Variants in SUGCT observed in about 807,000 individuals in gnomAD.
SUGCT encodes succinyl-CoA:glutarate CoA-transferase.
In SUGCT, 41 loss-of-function variants were observed where a neutral mutation model predicts 55.0. The ratio of observed to expected loss-of-function variants is 0.74; its 90% CI spans 0.58 to 0.97. The LOEUF is 0.97. SUGCT is among the 50% of genes least tolerant of loss of function. The pLI is 0.00. For synonymous variants in SUGCT, 187 were observed against 200.4 expected, an observed-to-expected ratio of 0.93 and a Z score of 0.56; for missense variants, 568 against 547.8, an observed-to-expected ratio of 1.04 and a Z score of -0.37.
At chr7:40,699,198 G>T (rs992045914) in intron 12 of SUGCT, among the ~76,000 whole-genome samples, 2 of 152,186 alleles carry the variant, frequency 1.3e-5, no homozygotes, top group African/African-American at 4.8e-5. Flanking sequence ...ATGTCCTCAG[G>T]CTATCAAAGA....
the SUGCT span, among the ~76,000 whole-genome samples, chr7:40,995,630 A>G: frequency 2.6e-5 from 4 of 151,228 alleles, no homozygotes; most frequent in African/African-American, 9.7e-5. Context: ...CTTCTTAATT[A>G]CTTCAATATT....
chr7:40,826,662 A>G (rs1452214431), intron 13 of SUGCT, among the ~76,000 whole-genome samples: 1 of 152,216 alleles, frequency 6.6e-6, no homozygotes, highest in African/African-American at 2.4e-5. Context: ...TTTAAACAGT[A>G]TGTGGAGAAT....
At chr7:40,167,103 A>G (rs1175089383) in intron 1 of SUGCT, among the ~76,000 whole-genome samples, 1 of 152,202 alleles carries the variant, frequency 6.6e-6, no homozygotes, top group African/African-American at 2.4e-5. Context: ...TGTTCACAGC[A>G]TCTTGATTCA....
At chr7:40,345,514 A>T (rs968624309) in intron 9 of SUGCT, among the ~76,000 whole-genome samples, 1 of 152,100 alleles carries the variant, frequency 6.6e-6, no homozygotes, top group Non-Finnish European at 1.5e-5. Flanking sequence ...ACTTTTATGT[A>T]TGTTCATATG....
chr7:40,950,553 T>C, the SUGCT span, among the ~76,000 whole-genome samples: 1 of 152,138 alleles, frequency 6.6e-6, no homozygotes, highest in Non-Finnish European at 1.5e-5. Flanking sequence ...AAGGGAATGC[T>C]TCCCATTTTC....
At chr7:40,241,860 C>T (rs965355428) in intron 7 of SUGCT, among the ~76,000 whole-genome samples, 1 of 145,342 alleles carries the variant, frequency 6.9e-6, no homozygotes, top group African/African-American at 2.6e-5. Flanking sequence ...GCAGAGGTTG[C>T]AGTGAGCTGA....
chr7:40,440,026 T>C (rs900507990), intron 9 of SUGCT, among the ~76,000 whole-genome samples: 9 of 152,134 alleles, frequency 5.9e-5, no homozygotes, highest in Non-Finnish European at 1.3e-4. Context: ...ACTCCTCACT[T>C]AACTCCCTTT....
At chr7:40,915,438 T>A in the SUGCT span, among the ~76,000 whole-genome samples, 1 of 152,110 alleles carries the variant, frequency 6.6e-6, no homozygotes, top group Non-Finnish European at 1.5e-5. Context: ...GGAGGAATTG[T>A]CTATGAATGT....
chr7:40,239,482 G>A (rs1789234552), intron 7 of SUGCT, among the ~76,000 whole-genome samples: 1 of 152,152 alleles, frequency 6.6e-6, no homozygotes. Context: ...ATGTGGCCAA[G>A]ACATTCTTTA....
chr7:40,217,522 A>G (rs1357442295), intron 6 of SUGCT: 1 of 397,142 alleles, frequency 2.5e-6, no homozygotes, highest in Non-Finnish European at 5.1e-6. Flanking sequence ...AACTTCCTGA[A>G]TTATCGTTGT....
At chr7:40,689,269 A>G (rs10250246) in intron 12 of SUGCT, among the ~76,000 whole-genome samples, 55,783 of 152,004 alleles carry the variant, frequency 0.37, 11,879 homozygotes, top group African/African-American at 0.6. Flanking sequence ...TCTAGAGAAG[A>G]CTTAGGTGTC....
chr7:40,627,467 AC>A (rs1799575266), intron 12 of SUGCT, among the ~76,000 whole-genome samples: 2 of 152,106 alleles, frequency 1.3e-5, no homozygotes, highest in African/African-American at 4.8e-5. Context: ...TCCTACGCAA[AC>A]ATCTGATTGG....
At chr7:40,504,467 G>A (rs1454978228) in intron 12 of SUGCT, among the ~76,000 whole-genome samples, 2 of 151,858 alleles carry the variant, frequency 1.3e-5, no homozygotes, top group African/African-American at 4.8e-5. Context: ...CAGTGCCTTG[G>A]TCTGTTGTCC....
chr7:40,939,257 G>T, the SUGCT span, among the ~76,000 whole-genome samples: 1 of 151,374 alleles, frequency 6.6e-6, no homozygotes, highest in Non-Finnish European at 1.5e-5. Flanking sequence ...GATCTCTTGA[G>T]ACTTATTGAC....
chr7:40,566,714 C>T (rs896719674), intron 12 of SUGCT, among the ~76,000 whole-genome samples: 6 of 152,084 alleles, frequency 3.9e-5, no homozygotes, highest in Admixed American at 6.5e-5. Context: ...TGGTATAACC[C>T]GTGAGCAGGT....
the SUGCT span, among the ~76,000 whole-genome samples, chr7:40,989,818 G>C: frequency 6.6e-6 from 1 of 152,004 alleles, no homozygotes; most frequent in African/African-American, 2.4e-5. Context: ...ATTCGCTCAA[G>C]TTTTATTATG....
At chr7:40,574,563 C>G (rs1796621420) in intron 12 of SUGCT, among the ~76,000 whole-genome samples, 1 of 152,040 alleles carries the variant, frequency 6.6e-6, no homozygotes, top group Non-Finnish European at 1.5e-5. Context: ...TCTCGAGTAG[C>G]TGGGATTGCA....
intron 12 of SUGCT, among the ~76,000 whole-genome samples, chr7:40,676,744 C>A (rs1784005386): frequency 6.6e-6 from 1 of 152,004 alleles, no homozygotes; most frequent in Non-Finnish European, 1.5e-5. Context: ...GTCAGGTGAT[C>A]CTCCCACCTT....
At chr7:40,183,011 G>T (rs1032160543) in intron 3 of SUGCT, among the ~76,000 whole-genome samples, 1 of 152,192 alleles carries the variant, frequency 6.6e-6, no homozygotes, top group East Asian at 1.9e-4. Context: ...GGTGGCTTAC[G>T]CCTGTAATCC....
Sources: gnomAD v4.1 joint callset for allele counts (sites outside exome capture counted in the v4.1 genomes callset) on GRCh38, gnomAD v4.1.1 for gene constraint, MANE v1.5 for transcripts, NCBI Gene and HGNC (gene_info 2026-07-23, HGNC 2026-07-21) for gene names.